The following GABRG3 variants were observed in gnomAD, a reference collection of about 807,000 sequenced individuals.
GABRG3 encodes the protein gamma-aminobutyric acid type A receptor subunit gamma3.
GABRG3 carries 25 observed loss-of-function variants against 48.8 expected under a neutral mutation model. The observed-to-expected ratio is 0.51, with a 90% CI of 0.37 to 0.72. The LOEUF (loss-of-function observed/expected upper bound fraction) is 0.72. GABRG3 is among the 30% of genes least tolerant of loss of function. The probability of loss-of-function intolerance (pLI) is 0.00; values close to 1 mark genes in which losing one functional copy is unlikely to be tolerated. For missense variants in GABRG3, 394 were observed against 577.9 expected (o/e 0.68, Z 3.26); for synonymous variants, 227 against 217.6 (o/e 1.04, Z -0.38).
chr15:27,443,879 T>A (rs545699261), intron 5 of GABRG3, among the ~76,000 whole-genome samples: 3 of 152,208 alleles, frequency 2.0e-5, no homozygotes, highest in African/African-American at 7.2e-5. Context: ...TGGGAAATGC[T>A]TTTACCTCAT....
At chr15:27,459,337 A>T (rs1316401202) in intron 5 of GABRG3, among the ~76,000 whole-genome samples, 1 of 152,208 alleles carries the variant, frequency 6.6e-6, no homozygotes. Flanking sequence ...GGCACAGGTG[A>T]CAATTCAGGA....
At chr15:27,108,676 T>C (rs1448209745) in intron 3 of GABRG3, among the ~76,000 whole-genome samples, 1 of 152,218 alleles carries the variant, frequency 6.6e-6, no homozygotes, top group Non-Finnish European at 1.5e-5. Context: ...TGCAGTCGAA[T>C]CTACCTAGAA....
intron 3 of GABRG3, among the ~76,000 whole-genome samples, chr15:27,027,275 A>G (rs1008865996): frequency 2.0e-5 from 3 of 152,180 alleles, no homozygotes; most frequent in Admixed American, 2.0e-4. Flanking sequence ...GTGCCTGGCT[A>G]TGAAGTGAGT....
chr15:27,009,513 G>C (rs966141655), intron 2 of GABRG3, among the ~76,000 whole-genome samples: 5 of 152,190 alleles, frequency 3.3e-5, no homozygotes, highest in African/African-American at 9.7e-5. Context: ...GGCTGAGAAA[G>C]GTTTCCAGTA....
chr15:27,450,251 T>C (rs1370733237), intron 5 of GABRG3, among the ~76,000 whole-genome samples: 2 of 152,130 alleles, frequency 1.3e-5, no homozygotes, highest in Non-Finnish European at 1.5e-5. Context: ...CTTCAAAATA[T>C]GAAAATACAA....
At chr15:27,510,681 C>T (rs1890875824) in intron 6 of GABRG3, among the ~76,000 whole-genome samples, 1 of 152,144 alleles carries the variant, frequency 6.6e-6, no homozygotes. Context: ...TTTGGTGGTG[C>T]CTGTAATTAT....
chr15:27,460,193 CAACAACAAA>C (rs2150835158), intron 5 of GABRG3, among the ~76,000 whole-genome samples: 1 of 152,270 alleles, frequency 6.6e-6, no homozygotes, highest in South Asian at 2.1e-4. Flanking sequence ...TGTCCAACAA[CAACAACAAA>C]AACAATATTT....
In GABRG3 at chr15:27,531,342, C is replaced by A. The variant is rs971464449; in HGVS notation, c.1123-1258C>A. On this transcript the variant is annotated intron_variant, in intron 9 of 9. Transcript: ENST00000615808. ...ACTTCCACCCCTCCCCGATTTATGA[C>A]CCCATGACTATGAGCATGTCCAATC... Among the ~76,000 whole-genome samples, 4 of 152,230 alleles carry A rather than the reference C, an allele frequency of 2.6e-5. No homozygotes were observed. In the South Asian group the frequency reaches 8.3e-4, roughly 32 times the overall value.
In GABRG3 at chr15:27,220,241, G is replaced by A. The variant is rs564166080; in HGVS notation, c.271-106568G>A. 1.7e-4 allele frequency among the ~76,000 whole-genome samples: 26 copies of A among 152,334 alleles called. No individual in the cohort carries two copies. The East Asian group carries it at 4.4e-3, about 26-fold the overall frequency. ...GCCTAAAAAGGTGGGATATCTTGAA[G>A]TGGGAGTTTATAGGTCATAGATAGA... On this transcript the variant is annotated intron_variant, in intron 3 of 9. Transcript: ENST00000615808.
chr15:27,493,037 G>A (rs554750924), intron 6 of GABRG3, among the ~76,000 whole-genome samples: 1 of 152,246 alleles, frequency 6.6e-6, no homozygotes, highest in Admixed American at 6.5e-5. Context: ...AGTAGTGGTG[G>A]CTTTTCTCTC....
chr15:27,035,820 C>T (rs565875974), intron 3 of GABRG3, among the ~76,000 whole-genome samples: 3 of 152,128 alleles, frequency 2.0e-5, no homozygotes, highest in African/African-American at 4.8e-5. Flanking sequence ...TGGAGAATGG[C>T]GGTGGGGGCT....
At chr15:26,998,354 G>T (rs1355406375) in intron 2 of GABRG3, among the ~76,000 whole-genome samples, 1 of 152,126 alleles carries the variant, frequency 6.6e-6, no homozygotes, top group Non-Finnish European at 1.5e-5. Flanking sequence ...TAATCCTTAT[G>T]GCATTCTTCT....
chr15:27,153,256 T>G (rs977988780), intron 3 of GABRG3, among the ~76,000 whole-genome samples: 1 of 152,204 alleles, frequency 6.6e-6, no homozygotes, highest in Non-Finnish European at 1.5e-5. Context: ...GAGATTATCT[T>G]TTTTTCATTG....
chr15:27,213,836 A>G (rs1889151570), intron 3 of GABRG3, among the ~76,000 whole-genome samples: 1 of 152,120 alleles, frequency 6.6e-6, no homozygotes, highest in African/African-American at 2.4e-5. Context: ...TCAGCTCCAC[A>G]CTTGTGGTGA....
At chr15:27,509,747 T>G (rs1170103686) in intron 6 of GABRG3, among the ~76,000 whole-genome samples, 1 of 152,232 alleles carries the variant, frequency 6.6e-6, no homozygotes, top group African/African-American at 2.4e-5. Context: ...TTTCCATTGA[T>G]TGACCAAATC....
intron 3 of GABRG3, among the ~76,000 whole-genome samples, chr15:27,252,056 C>T (rs1470813155): frequency 6.6e-6 from 1 of 152,198 alleles, no homozygotes. Context: ...GGGGATCTGT[C>T]ATTATTTGTT....
intron 3 of GABRG3, among the ~76,000 whole-genome samples, chr15:27,201,612 C>T (rs528162178): frequency 1.6e-4 from 25 of 152,044 alleles, no homozygotes; most frequent in African/African-American, 4.8e-4. Flanking sequence ...AAAGAGGAGG[C>T]GCTATTACAC....
chr15:27,420,408 G>A (rs1440714411), intron 5 of GABRG3, among the ~76,000 whole-genome samples: 2 of 152,186 alleles, frequency 1.3e-5, no homozygotes, highest in Non-Finnish European at 2.9e-5. Flanking sequence ...AAGAAATGGG[G>A]AGATGTTTGT....
chr15:27,313,266 A>ATATATATATATATATG (rs1893079791), intron 3 of GABRG3, among the ~76,000 whole-genome samples: 2 of 14,462 alleles, frequency 1.4e-4, no homozygotes, highest in Admixed American at 8.9e-4. Flanking sequence ...GTGTGTGTAT[A>ATATATATATATATATG]TATATATATA....
Sources: allele counts gnomAD v4.1 joint callset (sites outside exome capture counted in the v4.1 genomes callset), GRCh38; gene constraint gnomAD v4.1.1; transcripts MANE v1.5; gene names NCBI Gene and HGNC (gene_info 2026-07-23, HGNC 2026-07-21).